MGST1: variants seen among roughly 807,000 people sequenced by gnomAD.
The protein encoded by MGST1 is glutathione S-transferase 12.
MGST1 carries 5 observed loss-of-function variants against 8.9 expected under a neutral mutation model. That is an observed-to-expected ratio of 0.56 (90% CI 0.29 to 1.19). MGST1 has a LOEUF of 1.19. Among genes scored for constraint, MGST1 ranks in the 50% most tolerant of loss-of-function variants. MGST1 has a pLI of 0.08. For missense variants in MGST1, 182 were observed against 187.4 expected, an observed-to-expected ratio of 0.97 and a Z score of 0.17; for synonymous variants, 54 against 67.8, an observed-to-expected ratio of 0.80 and a Z score of 1.00.
intron 4 of MGST1, among the ~76,000 whole-genome samples, chr12:16,445,357 C>G (rs554083301): frequency 6.6e-6 from 1 of 151,790 alleles, no homozygotes; most frequent in East Asian, 1.9e-4. Flanking sequence ...AGTTGATAGA[C>G]CCTTGAAGAT....
At chr12:16,496,508 GT>G (rs1941471107) in intron 4 of MGST1, among the ~76,000 whole-genome samples, 1 of 151,980 alleles carries the variant, frequency 6.6e-6, no homozygotes, top group Non-Finnish European at 1.5e-5. Context: ...AGATTCAGGG[GT>G]ACTTTGTTAC....
chr12:16,572,443 A>T (rs995831632), intron 4 of MGST1, among the ~76,000 whole-genome samples: 65 of 147,658 alleles, frequency 4.4e-4, no homozygotes, highest in African/African-American at 1.6e-3. Flanking sequence ...AAAAAAACAG[A>T]GCTACTAAGC....
At chr12:16,384,822 T>TGTAC (rs1161860908) in intron 1 of MGST1, among the ~76,000 whole-genome samples, 1 of 152,196 alleles carries the variant, frequency 6.6e-6, no homozygotes, top group Non-Finnish European at 1.5e-5. Flanking sequence ...TTGACGTACT[T>TGTAC]TTGTACGCAG....
downstream of MGST1, among the ~76,000 whole-genome samples, chr12:16,442,258 G>A (rs980559864): frequency 2.6e-5 from 4 of 151,760 alleles, no homozygotes; most frequent in Non-Finnish European, 5.9e-5. This position sits in a 1 kb window ranked among gnomAD's most constrained non-coding sequence, Gnocchi z 4.5. Context: ...CTCACAGAGT[G>A]TGGCTTGTCT....
chr12:16,565,044 C>G (rs1942548805), intron 4 of MGST1, among the ~76,000 whole-genome samples: 1 of 152,130 alleles, frequency 6.6e-6, no homozygotes, highest in South Asian at 2.1e-4. Flanking sequence ...CCCAACTTGG[C>G]CTCCCAAAGT....
intron 4 of MGST1, among the ~76,000 whole-genome samples, chr12:16,543,088 G>A (rs994899319): frequency 2.6e-5 from 4 of 152,060 alleles, no homozygotes; most frequent in Non-Finnish European, 5.9e-5. Context: ...ACAGTTGTTT[G>A]CCTGTCTTCC....
chr12:16,465,131 G>A (rs1941244808), intron 4 of MGST1, among the ~76,000 whole-genome samples: 1 of 152,176 alleles, frequency 6.6e-6, no homozygotes, highest in African/African-American at 2.4e-5. Context: ...TTGAGTAATG[G>A]CAAGAGGAGG....
chr12:16,523,977 C>T (rs1941665516), intron 4 of MGST1, among the ~76,000 whole-genome samples: 1 of 152,030 alleles, frequency 6.6e-6, no homozygotes, highest in African/African-American at 2.4e-5. Context: ...CATTATATGT[C>T]TTGTCCTACT....
At chr12:16,536,082 A>AGAGTGTGT (rs1285062482) in intron 4 of MGST1, among the ~76,000 whole-genome samples, 4 of 145,324 alleles carry the variant, frequency 2.8e-5, no homozygotes, top group Admixed American at 1.4e-4. Context: ...GGTGTGTGTG[A>AGAGTGTGT]GTGTGTGTGT....
intron 4 of MGST1, among the ~76,000 whole-genome samples, chr12:16,496,507 G>T (rs753319504): frequency 2.0e-5 from 3 of 151,882 alleles, no homozygotes; most frequent in African/African-American, 4.8e-5. Context: ...TAGATTCAGG[G>T]GTACTTTGTT....
At position 16,401,924 on chromosome 12, in the gene MGST1, T is replaced by C; in HGVS notation, n.778+18320T>C. 1 of 1,608,510 alleles carries C rather than the reference T, an allele frequency of 6.2e-7. No homozygotes were observed. Among genetic ancestry groups the C allele is most frequent in the Non-Finnish European group, 8.5e-7 (1 of 1,174,772 alleles). On this transcript the variant is annotated intron_variant and non_coding_transcript_variant, in intron 1 of 1. Transcript: ENST00000359720. The surrounding 1 kb of genome is among the most constrained non-coding windows in gnomAD (Gnocchi z 4.3). ...TTACAGCGACTGTATATGCCACAAC[T>C]GCACTGATATCTATTTTGTCAAAGC... is the stretch of plus-strand genomic sequence containing the variant.
At position 16,585,199 on chromosome 12, in the gene MGST1, G is replaced by A. The variant is rs1943280464; in HGVS notation, n.483-4329G>A. On this transcript the variant is annotated intron_variant and non_coding_transcript_variant, in intron 4 of 4. Transcript: ENST00000538857. The surrounding 1 kb of genome is among the most constrained non-coding windows in gnomAD (Gnocchi z 4.7). Reference sequence around the variant, plus strand: ...TTCCTTCCAGACTCCGGAACCTGGAGGCAATTGAGTTTGTAATTCCCGTCT... The same window carrying A: ...TTCCTTCCAGACTCCGGAACCTGGAAGCAATTGAGTTTGTAATTCCCGTCT... Among the ~76,000 whole-genome samples, 1 of 152,158 alleles carries A rather than the reference G, an allele frequency of 6.6e-6. No homozygotes were observed. Among genetic ancestry groups the A allele is most frequent in the Non-Finnish European group, 1.5e-5 (1 of 68,046 alleles).
At chr12:16,459,457 G>A (rs568413479) in intron 4 of MGST1, among the ~76,000 whole-genome samples, 4 of 152,154 alleles carry the variant, frequency 2.6e-5, no homozygotes, top group Middle Eastern at 3.4e-3. Flanking sequence ...TTCTCCCTTT[G>A]GTTAGCCTGA....
intron 4 of MGST1, among the ~76,000 whole-genome samples, chr12:16,518,324 A>G (rs12426370): frequency 0.17 from 25,993 of 152,102 alleles, 2,336 homozygotes; most frequent in East Asian, 0.28. Context: ...CCTGATATGT[A>G]TGTGGCTTAT....
chr12:16,561,799 T>G (rs16912030), intron 4 of MGST1, among the ~76,000 whole-genome samples: 1 of 152,044 alleles, frequency 6.6e-6, no homozygotes, highest in South Asian at 2.1e-4. Context: ...GTGCAATGAA[T>G]GTTTATGCTC....
At chr12:16,465,746 T>C (rs933986907) in intron 4 of MGST1, among the ~76,000 whole-genome samples, 6 of 152,148 alleles carry the variant, frequency 3.9e-5, no homozygotes, top group African/African-American at 1.4e-4. Context: ...TGTAATGCAT[T>C]TGAATCATCC....
intron 1 of MGST1, among the ~76,000 whole-genome samples, chr12:16,394,548 TTC>T (rs372943880): frequency 1.2e-5 from 1 of 81,456 alleles, no homozygotes; most frequent in Admixed American, 1.7e-4. Context: ...CTTTCTTTCT[TTC>T]TTTCTTTCTT....
At chr12:16,395,110 C>T (rs1475045085) in intron 1 of MGST1, among the ~76,000 whole-genome samples, 1 of 151,584 alleles carries the variant, frequency 6.6e-6, no homozygotes, top group East Asian at 1.9e-4. Flanking sequence ...TATAATACTC[C>T]TAGTTTATAA....
Position 16,546,652 on chromosome 12 carries a change from G to T in MGST1, n.483-42876G>T, listed in dbSNP as rs986065669. Among the ~76,000 whole-genome samples the T allele has an allele frequency of 4.6e-5, 7 of 152,066 alleles. No homozygotes were observed. The highest frequency in any genetic ancestry group is 7.2e-5 in the African/African-American group (3 of 41,416). On this transcript the variant is annotated intron_variant and non_coding_transcript_variant, in intron 4 of 4. Transcript: ENST00000538857. This position sits in a 1 kb window ranked among gnomAD's most constrained non-coding sequence, Gnocchi z 4.7. ...TCAGTGTGTGTAATTGTTAACACCT[G>T]CTATGTGTTACCAACAGATGTTTCT...
Sources: gnomAD v4.1 joint callset for allele counts (sites outside exome capture counted in the v4.1 genomes callset) on GRCh38, gnomAD v4.1.1 for gene constraint, Gnocchi (gnomAD v3.1) non-coding constraint, MANE v1.5 for transcripts, NCBI Gene and HGNC (gene_info 2026-07-23, HGNC 2026-07-21) for gene names.